The following GRID2 variants were observed in gnomAD, a reference collection of about 807,000 sequenced individuals.
GRID2 encodes the protein glutamate receptor ionotropic, delta-2.
In GRID2, 33 loss-of-function variants were observed where a neutral mutation model predicts 114.8. That is an observed-to-expected ratio of 0.29 (90% CI 0.22 to 0.38). GRID2 has a LOEUF of 0.38. Among genes scored for constraint, GRID2 ranks in the 10% least tolerant of loss-of-function variants. GRID2 has a pLI of 1.00. For missense variants in GRID2, 1,184 were observed against 1,257.7 expected, an observed-to-expected ratio of 0.94 and a Z score of 0.89; for synonymous variants, 505 against 449.9, an observed-to-expected ratio of 1.12 and a Z score of -1.55.
intron 1 of GRID2, among the ~76,000 whole-genome samples, chr4:92,534,056 A>G (rs1415394011): frequency 1.3e-5 from 2 of 152,080 alleles, no homozygotes; most frequent in Non-Finnish European, 2.9e-5. Context: ...TGTTGTGTGG[A>G]TGTATCCTTT....
intron 4 of GRID2, among the ~76,000 whole-genome samples, chr4:93,172,322 G>C (rs1449028947): frequency 6.6e-6 from 1 of 152,138 alleles, no homozygotes; most frequent in Non-Finnish European, 1.5e-5. Flanking sequence ...GCCAGGCGCG[G>C]TGGCTCACAC....
At chr4:93,041,314 C>A (rs958986342) in intron 2 of GRID2, among the ~76,000 whole-genome samples, 4 of 152,052 alleles carry the variant, frequency 2.6e-5, no homozygotes, top group African/African-American at 9.7e-5. Flanking sequence ...GCTTAGATTT[C>A]TTTTTTCTCA....
intron 8 of GRID2, among the ~76,000 whole-genome samples, chr4:93,373,094 A>G (rs576956976): frequency 6.6e-6 from 1 of 152,176 alleles, no homozygotes; most frequent in Non-Finnish European, 1.5e-5. Context: ...GGCCTTTACA[A>G]TCTTTACCTA....
chr4:92,404,678 A>C (rs1222642657), intron 1 of GRID2, among the ~76,000 whole-genome samples: 1 of 152,234 alleles, frequency 6.6e-6, no homozygotes, highest in Non-Finnish European at 1.5e-5. Flanking sequence ...GTACATACAC[A>C]CCATGGAATA....
At chr4:92,962,554 T>G (rs1411937704) in intron 2 of GRID2, among the ~76,000 whole-genome samples, 2 of 151,912 alleles carry the variant, frequency 1.3e-5, no homozygotes, top group African/African-American at 4.8e-5. Context: ...TAACCCCCAG[T>G]AGGTTAGGTT....
At chr4:93,372,206 A>G (rs1180685006) in intron 8 of GRID2, among the ~76,000 whole-genome samples, 1 of 152,230 alleles carries the variant, frequency 6.6e-6, no homozygotes, top group Non-Finnish European at 1.5e-5. Flanking sequence ...AATATTAAGT[A>G]TCTCAGGAAT....
chr4:92,605,533 A>G (rs1223100049), intron 2 of GRID2, among the ~76,000 whole-genome samples: 5 of 152,248 alleles, frequency 3.3e-5, no homozygotes, highest in African/African-American at 9.6e-5. Context: ...TAGAATGTGT[A>G]TGATTTAAAA....
chr4:92,325,810 CT>C (rs1726562107), intron 1 of GRID2, among the ~76,000 whole-genome samples: 1 of 151,588 alleles, frequency 6.6e-6, no homozygotes, highest in Non-Finnish European at 1.5e-5. Context: ...ACTTTTATAT[CT>C]TTAAAGTCAT....
intron 8 of GRID2, among the ~76,000 whole-genome samples, chr4:93,357,723 G>A (rs905793031): frequency 6.6e-6 from 1 of 151,516 alleles, no homozygotes; most frequent in African/African-American, 2.4e-5. Flanking sequence ...AATATGTAAA[G>A]GATCTTGATT....
intron 14 of GRID2, among the ~76,000 whole-genome samples, chr4:93,718,762 A>T (rs970415068): frequency 6.6e-6 from 1 of 152,178 alleles, no homozygotes; most frequent in Non-Finnish European, 1.5e-5. Context: ...AGGATAAAAC[A>T]CAAAACTGAA....
intron 14 of GRID2, among the ~76,000 whole-genome samples, chr4:93,744,355 T>A (rs1731668853): frequency 6.6e-6 from 1 of 152,096 alleles, no homozygotes; most frequent in Admixed American, 6.6e-5. Context: ...TGGAAAGGAG[T>A]CACCATTCTA....
At chr4:92,485,447 C>T (rs894010255) in intron 1 of GRID2, among the ~76,000 whole-genome samples, 4 of 149,782 alleles carry the variant, frequency 2.7e-5, no homozygotes, top group Admixed American at 2.0e-4. Context: ...CACCTGTAAT[C>T]CCAGCACTTT....
At chr4:92,733,230 A>G (rs2149325885) in intron 2 of GRID2, among the ~76,000 whole-genome samples, 1 of 152,236 alleles carries the variant, frequency 6.6e-6, no homozygotes, top group African/African-American at 2.4e-5. Context: ...TTCTATCCAA[A>G]TGGAAAACCC....
At chr4:92,521,068 T>G (rs1475509187) in intron 1 of GRID2, among the ~76,000 whole-genome samples, 1 of 151,934 alleles carries the variant, frequency 6.6e-6, no homozygotes, top group Admixed American at 6.6e-5. Context: ...TTATATAATA[T>G]TTTTAGAACA....
chr4:93,005,055 A>G (rs1721370434), intron 2 of GRID2, among the ~76,000 whole-genome samples: 1 of 151,920 alleles, frequency 6.6e-6, no homozygotes, highest in African/African-American at 2.4e-5. Context: ...TGTTCCAGTG[A>G]TTTGTAAATT....
At chr4:92,673,839 G>C (rs116639570) in intron 2 of GRID2, among the ~76,000 whole-genome samples, 9,279 of 152,084 alleles carry the variant, frequency 0.061, 337 homozygotes, top group East Asian at 0.16. Flanking sequence ...GGGGAGGAAG[G>C]GGGGAGGGAT....
At chr4:92,927,187 G>A (rs1212332616) in intron 2 of GRID2, among the ~76,000 whole-genome samples, 2 of 151,734 alleles carry the variant, frequency 1.3e-5, no homozygotes, top group Non-Finnish European at 2.9e-5. Context: ...CAGCACTAAA[G>A]CAATTATTTT....
intron 8 of GRID2, among the ~76,000 whole-genome samples, chr4:93,243,551 G>A (rs1747788436): frequency 6.6e-6 from 1 of 151,990 alleles, no homozygotes; most frequent in South Asian, 2.1e-4. Context: ...ACCTCAAGCA[G>A]GGGTATTGTC....
chr4:93,780,103 T>C (rs1427830013), intron 1 of GRID2, among the ~76,000 whole-genome samples: 1 of 152,070 alleles, frequency 6.6e-6, no homozygotes, highest in Non-Finnish European at 1.5e-5. Context: ...ATTAGTCTAT[T>C]GGGAGGTGGT....
Sources: gnomAD v4.1 joint callset for allele counts (sites outside exome capture counted in the v4.1 genomes callset) on GRCh38, gnomAD v4.1.1 for gene constraint, MANE v1.5 for transcripts, NCBI Gene and HGNC (gene_info 2026-07-23, HGNC 2026-07-21) for gene names.